The following FAT3 variants were observed in gnomAD, a reference collection of about 807,000 sequenced individuals.
FAT3 encodes protocadherin Fat 3.
Under a neutral mutation model 310.2 loss-of-function variants are expected in FAT3, and 95 were observed. That is an observed-to-expected ratio of 0.31 (90% CI 0.26 to 0.36). The LOEUF is 0.36. FAT3 is among the 10% of genes least tolerant of loss of function. The pLI is 1.00. For synonymous variants in FAT3, 2,314 were observed against 2,192.9 expected (o/e 1.06, Z -1.54); for missense variants, 5,408 against 5,715.6 (o/e 0.95, Z 1.74).
chr11:92,474,007 C>T (rs1042094948), intron 2 of FAT3, among the ~76,000 whole-genome samples: 1 of 152,176 alleles, frequency 6.6e-6, no homozygotes, highest in African/African-American at 2.4e-5. Context: ...CACATAGATG[C>T]CTTGTCATTA....
chr11:92,605,843 G>A (rs1940263802), intron 3 of FAT3, among the ~76,000 whole-genome samples: 1 of 148,872 alleles, frequency 6.7e-6, no homozygotes. Context: ...TTCTGCCCCT[G>A]GTTCAGTGAC....
chr11:92,357,123 C>G (rs964478816), intron 2 of FAT3, among the ~76,000 whole-genome samples: 4 of 152,126 alleles, frequency 2.6e-5, no homozygotes, highest in Non-Finnish European at 5.9e-5. Context: ...GGGGAACTAG[C>G]CTTTACTGAG....
chr11:92,251,128 A>G (rs1865120097), intron 1 of FAT3, among the ~76,000 whole-genome samples: 2 of 152,164 alleles, frequency 1.3e-5, no homozygotes, highest in South Asian at 4.1e-4. Flanking sequence ...TCCAGCAATA[A>G]TAAGCATTAC....
At chr11:92,588,718 G>A (rs973120065) in intron 3 of FAT3, among the ~76,000 whole-genome samples, 1 of 148,280 alleles carries the variant, frequency 6.7e-6, no homozygotes, top group Non-Finnish European at 1.5e-5. Context: ...GGGTTTGGGT[G>A]GAGAGAAGGT....
intron 2 of FAT3, among the ~76,000 whole-genome samples, chr11:92,422,918 G>T (rs1006308876): frequency 4.6e-5 from 7 of 152,094 alleles, no homozygotes; most frequent in Admixed American, 3.3e-4. Context: ...TAAATGACTG[G>T]AGGCAGCATC....
chr11:92,409,242 TTCGTGTGTGTGTGTGTG>T (rs886647302), intron 2 of FAT3, among the ~76,000 whole-genome samples: 9 of 150,882 alleles, frequency 6.0e-5, no homozygotes, highest in African/African-American at 1.5e-4. Flanking sequence ...CAATGAAGCT[TTCGTGTGTGTGTGTGTG>T]TCGTGTGTGT....
At chr11:92,705,566 GTGGTGGT>G (rs1944278056) in intron 4 of FAT3, among the ~76,000 whole-genome samples, 1 of 14,226 alleles carries the variant, frequency 7.0e-5, no homozygotes, top group African/African-American at 2.5e-4. Flanking sequence ...TGTGATGGTG[GTGGTGGT>G]GGTGATGGTG....
intron 3 of FAT3, among the ~76,000 whole-genome samples, chr11:92,615,784 G>C (rs913175788): frequency 2.0e-5 from 3 of 152,182 alleles, no homozygotes; most frequent in Non-Finnish European, 4.4e-5. Context: ...TAGTTGAGTG[G>C]TTTTGAGTGA....
At chr11:92,698,314 T>C (rs923334097) in intron 4 of FAT3, among the ~76,000 whole-genome samples, 3 of 152,184 alleles carry the variant, frequency 2.0e-5, no homozygotes, top group African/African-American at 7.2e-5. Flanking sequence ...TCAAATCTGA[T>C]GATAGAATCT....
intron 2 of FAT3, among the ~76,000 whole-genome samples, chr11:92,431,015 G>T (rs546454492): frequency 6.6e-6 from 1 of 152,120 alleles, no homozygotes; most frequent in South Asian, 2.1e-4. Flanking sequence ...TAATCCTTTG[G>T]GTATATACCC....
intron 21 of FAT3, among the ~76,000 whole-genome samples, chr11:92,859,533 T>TG (rs1949070012): frequency 6.6e-6 from 1 of 152,180 alleles, no homozygotes; most frequent in African/African-American, 2.4e-5. Flanking sequence ...TCTTGGTACA[T>TG]GGGGCATCTC....
rs763558102 is a variant in FAT3, at chr11:92,806,434, G to A, written c.9166G>A (p.Ala3056Thr). 1.0e-5 allele frequency: 16 copies of A among 1,585,382 alleles called. No homozygotes were observed. The South Asian group carries it at 1.0e-4, about 10-fold the overall frequency. ...KIILKVSAKD[A>T]DIGSNGYIRY... is the part of the protein sequence containing the mutation. ...CATCCTGAAAGTCAGTGCAAAGGAT[G>A]CTGATATTGGATCCAATGGATATAT... The change falls in exon 12 of 28, where the codon GCT becomes ACT. Residue 3056 changes from alanine to threonine, a missense_variant. By Grantham distance (58) the Ala-to-Thr change is moderately conservative. This residue lies in a region of FAT3 where 4,588 missense variants were observed against 4,809.8 expected (regional missense o/e 0.95). Coordinates refer to ENST00000525166, the MANE Select transcript of FAT3 (RefSeq NM_001367949.2).
chr11:92,228,771 C>T (rs1864027756), intron 1 of FAT3, among the ~76,000 whole-genome samples: 1 of 152,220 alleles, frequency 6.6e-6, no homozygotes, highest in South Asian at 2.1e-4. Context: ...TCATAGCCCA[C>T]ATCTGTCCAG....
intron 3 of FAT3, among the ~76,000 whole-genome samples, chr11:92,533,971 A>G (rs930141086): frequency 5.9e-5 from 9 of 152,120 alleles, no homozygotes; most frequent in African/African-American, 1.4e-4. Context: ...AAGGTCATAA[A>G]TTTCTCTTTT....
chr11:92,507,623 G>A (rs1953153597), intron 2 of FAT3, among the ~76,000 whole-genome samples: 1 of 151,254 alleles, frequency 6.6e-6, no homozygotes, highest in East Asian at 1.9e-4. Flanking sequence ...ATACGTATAG[G>A]AAAATTGGAG....
At chr11:92,773,783 T>C (rs961690192) in intron 6 of FAT3, among the ~76,000 whole-genome samples, 8 of 152,202 alleles carry the variant, frequency 5.3e-5, no homozygotes. Context: ...TATGCTTCAC[T>C]ACTCTAACAT....
intron 2 of FAT3, among the ~76,000 whole-genome samples, chr11:92,522,019 C>T (rs1953701961): frequency 6.6e-6 from 1 of 152,128 alleles, no homozygotes; most frequent in African/African-American, 2.4e-5. Flanking sequence ...CTCTCATTAT[C>T]TCTGTTCCTC....
chr11:92,756,223 C>T (rs1945986927), intron 4 of FAT3, among the ~76,000 whole-genome samples: 1 of 152,182 alleles, frequency 6.6e-6, no homozygotes, highest in Non-Finnish European at 1.5e-5. Flanking sequence ...TATATGCTAT[C>T]GTTTTTCTTG....
Position 92,422,291 on chromosome 11 carries a change from A to G in FAT3, c.3292+66887A>G, listed in dbSNP as rs149215440. ...CTCACTTATTCCTGAAATGGGCTCT[A>G]CTAGCCCCTGGATGTTTTGCCTGCC... is the stretch of plus-strand genomic sequence containing the variant. On this transcript the variant is annotated intron_variant, in intron 2 of 27. Transcript: ENST00000525166. Among the ~76,000 whole-genome samples the G allele has an allele frequency of 2.9e-3, 437 of 152,252 alleles. 1 individual carries two copies. The highest frequency in any genetic ancestry group is 9.8e-3 in the African/African-American group (409 of 41,548).
Sources: allele counts gnomAD v4.1 joint callset (sites outside exome capture counted in the v4.1 genomes callset), GRCh38; gene constraint gnomAD v4.1.1; regional missense constraint gnomAD v4.1.1; transcripts MANE v1.5; gene names NCBI Gene and HGNC (gene_info 2026-07-23, HGNC 2026-07-21).